The following PCCA variants were observed in gnomAD, a reference collection of about 807,000 sequenced individuals.
PCCA encodes the protein propionyl-CoA carboxylase alpha chain, mitochondrial.
PCCA carries 74 observed loss-of-function variants against 101.3 expected under a neutral mutation model. The observed-to-expected ratio is 0.73, with a 90% CI of 0.61 to 0.89. The LOEUF is 0.89. PCCA is among the 40% of genes least tolerant of loss of function. PCCA has a pLI of 0.00. For missense variants in PCCA, 891 were observed against 907.0 expected, an observed-to-expected ratio of 0.98 and a Z score of 0.23; for synonymous variants, 294 against 313.6, an observed-to-expected ratio of 0.94 and a Z score of 0.66.
intron 16 of PCCA, among the ~76,000 whole-genome samples, chr13:100,326,238 G>A (rs1265592957): frequency 6.6e-6 from 1 of 152,150 alleles, no homozygotes; most frequent in South Asian, 2.1e-4. Flanking sequence ...GGGTTGAAGG[G>A]TTTTAAGGTA....
intron 22 of PCCA, chr13:100,527,192 AGAG>A: frequency 2.3e-6 from 1 of 436,780 alleles, no homozygotes. Context: ...CAGTCAATTC[AGAG>A]TTGTGTAGTT....
chr13:100,262,393 C>CAA (rs573486449), intron 9 of PCCA, among the ~76,000 whole-genome samples: 7 of 123,368 alleles, frequency 5.7e-5, no homozygotes, highest in South Asian at 2.6e-4. Context: ...GACTCTGTCT[C>CAA]AAAAAAAAAA....
At chr13:100,105,844 C>CAAAAAAAAAAAAAAAAAA (rs71114671) in intron 2 of PCCA, among the ~76,000 whole-genome samples, 1 of 62,508 alleles carries the variant, frequency 1.6e-5, no homozygotes, top group Non-Finnish European at 2.7e-5. Context: ...GATCCTGTCT[C>CAAAAAAAAAAAAAAAAAA]AAAAAAAAAA....
chr13:100,214,753 C>T (rs1232311137), intron 7 of PCCA, among the ~76,000 whole-genome samples: 5 of 152,048 alleles, frequency 3.3e-5, no homozygotes. Context: ...AGACCTTTCA[C>T]TTCTTTGGTT....
At chr13:100,312,302 G>A (rs938425363) in intron 16 of PCCA, among the ~76,000 whole-genome samples, 1 of 152,126 alleles carries the variant, frequency 6.6e-6, no homozygotes, top group Non-Finnish European at 1.5e-5. Flanking sequence ...TTCTTTTCTC[G>A]CCTCTCTTGG....
At chr13:100,506,285 C>G (rs2086070336) in intron 21 of PCCA, among the ~76,000 whole-genome samples, 1 of 150,026 alleles carries the variant, frequency 6.7e-6, no homozygotes, top group African/African-American at 2.4e-5. Flanking sequence ...GGCTCAGCGT[C>G]TAGGATGTGT....
intron 12 of PCCA, among the ~76,000 whole-genome samples, chr13:100,284,105 C>T (rs1248992276): frequency 1.3e-5 from 2 of 152,228 alleles, no homozygotes; most frequent in East Asian, 1.9e-4. Flanking sequence ...GTGTTAATCT[C>T]CTGTCCTGGA....
intron 11 of PCCA, among the ~76,000 whole-genome samples, chr13:100,271,673 A>T (rs1477622555): frequency 6.6e-6 from 1 of 152,260 alleles, no homozygotes; most frequent in Non-Finnish European, 1.5e-5. Flanking sequence ...AAAGATATTT[A>T]TGAGATAGAG....
intron 20 of PCCA, among the ~76,000 whole-genome samples, chr13:100,447,902 A>C (rs2080954576): frequency 6.6e-6 from 1 of 152,174 alleles, no homozygotes; most frequent in Admixed American, 6.5e-5. Context: ...CTAGAGGTTC[A>C]CTCTGGGTTC....
chr13:100,169,116 G>A (rs1403055577), intron 6 of PCCA, among the ~76,000 whole-genome samples: 1 of 152,096 alleles, frequency 6.6e-6, no homozygotes, highest in Admixed American at 6.6e-5. Context: ...AAAAAGGCAT[G>A]TTTCAACCAT....
rs550002428 is a variant in PCCA, at chr13:100,491,602, T to C, written c.1900-23825T>C. On this transcript the variant is annotated intron_variant, in intron 21 of 23. Transcript: ENST00000376285. ...GCCCTTGGGATAGAGGTTAACTCGG[T>C]TGTGAAATAATGGCCAAAGCGGTGC... 5.7e-6 allele frequency: 7 copies of C among 1,234,064 alleles called. No individual in the cohort carries two copies. The South Asian group carries it at 8.8e-5, about 16-fold the overall frequency. 76.4% of individuals were successfully genotyped at this position (1,234,064 alleles called of 1,614,324 possible).
chr13:100,257,967 G>A (rs1217163103), intron 9 of PCCA, among the ~76,000 whole-genome samples: 4 of 151,858 alleles, frequency 2.6e-5, no homozygotes, highest in Admixed American at 2.0e-4. Context: ...TATTTTCTGG[G>A]CATAAATTAC....
intron 6 of PCCA, among the ~76,000 whole-genome samples, chr13:100,204,909 T>C (rs2058759623): frequency 6.6e-6 from 1 of 152,174 alleles, no homozygotes; most frequent in East Asian, 1.9e-4. Flanking sequence ...TACTCCTGGC[T>C]CAGCCTTCCA....
intron 23 of PCCA, among the ~76,000 whole-genome samples, chr13:100,528,977 G>T (rs546352835): frequency 1.1e-4 from 17 of 152,112 alleles, no homozygotes; most frequent in Non-Finnish European, 2.4e-4. Context: ...AATGACCTTG[G>T]CCTCATCAGT....
At chr13:100,448,444 A>G (rs995766829) in intron 20 of PCCA, among the ~76,000 whole-genome samples, 8 of 151,892 alleles carry the variant, frequency 5.3e-5, no homozygotes, top group African/African-American at 1.7e-4. Context: ...GCCTGCCTCA[A>G]CCTCCCAGAG....
At chr13:100,209,883 CA>C (rs2059105437) in intron 7 of PCCA, among the ~76,000 whole-genome samples, 3 of 152,052 alleles carry the variant, frequency 2.0e-5, no homozygotes, top group African/African-American at 7.2e-5. Context: ...CTGCCTGCTT[CA>C]TCCTCCCAAG....
chr13:100,202,553 T>C (rs1304619907), intron 6 of PCCA, among the ~76,000 whole-genome samples: 1 of 151,624 alleles, frequency 6.6e-6, no homozygotes, highest in Non-Finnish European at 1.5e-5. Context: ...ATGTTGGTCA[T>C]CCTGGAATGA....
chr13:100,090,510 A>G (rs933724778), intron 1 of PCCA, among the ~76,000 whole-genome samples: 6 of 152,218 alleles, frequency 3.9e-5, no homozygotes, highest in Non-Finnish European at 8.8e-5. Flanking sequence ...CTTGGGCGTC[A>G]GCTTCGTCCT....
chr13:100,177,568 A>G (rs2056352667), intron 6 of PCCA, among the ~76,000 whole-genome samples: 2 of 152,214 alleles, frequency 1.3e-5, no homozygotes, highest in Admixed American at 1.3e-4. Context: ...ATTCTGTTAT[A>G]CACATTCATC....
Sources: gnomAD v4.1 joint callset for allele counts (sites outside exome capture counted in the v4.1 genomes callset) on GRCh38, gnomAD v4.1.1 for gene constraint, MANE v1.5 for transcripts, NCBI Gene and HGNC (gene_info 2026-07-23, HGNC 2026-07-21) for gene names.